Variants in ERP44 observed in about 807,000 individuals in gnomAD.
ERP44 encodes endoplasmic reticulum resident protein 44.
ERP44 carries 25 observed loss-of-function variants against 53.4 expected under a neutral mutation model. The ratio of observed to expected loss-of-function variants is 0.47; its 90% CI spans 0.34 to 0.65. The LOEUF is 0.65. Ranked by LOEUF, ERP44 falls within the 30% of genes least tolerant of loss-of-function variation. ERP44 has a pLI of 0.01. For missense variants in ERP44, 338 were observed against 493.2 expected, an observed-to-expected ratio of 0.69 and a Z score of 2.98; for synonymous variants, 145 against 161.2, an observed-to-expected ratio of 0.90 and a Z score of 0.76.
intron 10 of ERP44, among the ~76,000 whole-genome samples, chr9:99,998,144 T>G (rs1318662175): frequency 6.6e-6 from 1 of 152,214 alleles, no homozygotes; most frequent in Non-Finnish European, 1.5e-5. Flanking sequence ...ACTACTTTCT[T>G]TAGAATGGTT....
intron 1 of ERP44, among the ~76,000 whole-genome samples, chr9:100,064,944 C>T (rs900825779): frequency 6.6e-6 from 1 of 152,028 alleles, no homozygotes; most frequent in African/African-American, 2.4e-5. Flanking sequence ...AAGAGTCAAA[C>T]GTTTATACAG....
chr9:100,042,705 A>C (rs1342087290), intron 4 of ERP44, among the ~76,000 whole-genome samples: 1 of 152,214 alleles, frequency 6.6e-6, no homozygotes, highest in African/African-American at 2.4e-5. Flanking sequence ...TGGTACATAC[A>C]CATAATGGAG....
intron 10 of ERP44, among the ~76,000 whole-genome samples, chr9:100,003,353 A>C (rs1830397203): frequency 6.6e-6 from 1 of 152,140 alleles, no homozygotes; most frequent in Non-Finnish European, 1.5e-5. Flanking sequence ...TGTTACGTTT[A>C]TGTCTCCTTG....
chr9:99,986,594 A>T (rs4503155), intron 10 of ERP44, among the ~76,000 whole-genome samples: 102,992 of 151,972 alleles, frequency 0.68, 36,141 homozygotes, highest in East Asian at 0.91. Context: ...AGTTTCTTTT[A>T]CTTTTTATCC....
chr9:99,985,032 G>A lies in ERP44; in HGVS notation c.1054C>T (p.His352Tyr), dbSNP rs756017887. The A allele has an allele frequency of 3.1e-6, 5 of 1,613,428 alleles. No homozygotes were observed. The East Asian group carries it at 1.1e-4, about 36-fold the overall frequency. The change falls in exon 11 of 12, where the codon CAT (histidine) becomes TAT (tyrosine). Residue 352 changes from histidine (H) to tyrosine (Y), a missense_variant. His to Tyr is a moderately conservative substitution (Grantham distance 83, BLOSUM62 2). Around this residue, in one of 3 missense-constraint regions of ERP44, gnomAD observed 113 missense variants for 172.6 expected, o/e 0.65. Coordinates refer to ENST00000262455, the MANE Select transcript of ERP44 (RefSeq NM_015051.3). ...GKLKQFVFDLHSGKLHREFHH... is the reference protein window; with the variant it reads ...GKLKQFVFDLYSGKLHREFHH... ...AATTCTCTGTGCAGTTTTCCAGAATGTAAGTCAAATACGAATTGCTTGAGT... is the reference window on the plus strand; with the variant it reads ...AATTCTCTGTGCAGTTTTCCAGAATATAAGTCAAATACGAATTGCTTGAGT...
rs1236856601 is a variant in ERP44, at chr9:100,020,692, C to A, written c.511G>T (p.Asp171Tyr). 2 of 1,608,818 alleles carry A rather than the reference C, an allele frequency of 1.2e-6. No individual in the cohort carries two copies. The highest frequency in any genetic ancestry group is 2.2e-5 in the South Asian group (2 of 90,738). ...TCAAAAACTCTATAGTTGTCCGAGTCCTTTTGCTCAAAATATCCAATGATA... is the reference window on the plus strand; with the variant it reads ...TCAAAAACTCTATAGTTGTCCGAGTACTTTTGCTCAAAATATCCAATGATA... ...RNIIGYFEQK[D>Y]SDNYRVFERV... Residue 171 changes from aspartate to tyrosine, a missense_variant, in exon 6 of 12, where the codon GAC (aspartate) becomes TAC (tyrosine). Physicochemically the swap from Asp to Tyr is radical, Grantham distance 160. Coordinates refer to ENST00000262455, the MANE Select transcript of ERP44 (RefSeq NM_015051.3).
intron 10 of ERP44, among the ~76,000 whole-genome samples, chr9:99,995,920 C>CTTTTTTTTTTTT (rs34632626): frequency 3.3e-5 from 4 of 121,436 alleles, no homozygotes; most frequent in Admixed American, 8.3e-5. Flanking sequence ...TAGGGTAGTT[C>CTTTTTTTTTTTT]TTTTTTTTTT....
intron 1 of ERP44, among the ~76,000 whole-genome samples, chr9:100,086,023 T>C (rs561318239): frequency 8.5e-4 from 130 of 152,346 alleles, no homozygotes; most frequent in African/African-American, 2.9e-3. Context: ...AAAGATTATA[T>C]TTTTCTAAAG....
rs1343759378 is a variant in ERP44, at chr9:100,020,749, C to A, written c.472-18G>T. On this transcript the variant is annotated intron_variant, in intron 5 of 11. Coordinates refer to ENST00000262455, the MANE Select transcript of ERP44 (RefSeq NM_015051.3). ...TTGCTGCGCTGTAAAATAAAGTATG[C>A]AATTATTTTGCAAACATACATAGTT... 1 of 1,327,268 alleles carries A rather than the reference C, an allele frequency of 7.5e-7. No homozygotes were observed. The highest frequency in any genetic ancestry group is 1.2e-5 in the South Asian group (1 of 83,724). The allele number at this position is 1,327,268 out of a possible 1,614,324, so 82.2% of individuals were successfully genotyped here.
intron 10 of ERP44, among the ~76,000 whole-genome samples, chr9:99,991,964 C>A (rs1007779596): frequency 6.6e-6 from 1 of 152,080 alleles, no homozygotes; most frequent in African/African-American, 2.4e-5. Flanking sequence ...AAGGCTAAAC[C>A]AGGAAGACGT....
intron 4 of ERP44, among the ~76,000 whole-genome samples, chr9:100,033,471 T>A (rs1412887586): frequency 6.6e-6 from 1 of 152,238 alleles, no homozygotes; most frequent in Non-Finnish European, 1.5e-5. Flanking sequence ...ATGGCTGGGC[T>A]CAACTTTTTA....
At chr9:99,989,013 A>T (rs1292174152) in intron 10 of ERP44, among the ~76,000 whole-genome samples, 2 of 152,200 alleles carry the variant, frequency 1.3e-5, no homozygotes, top group Non-Finnish European at 2.9e-5. Flanking sequence ...AGGCTTGACT[A>T]GGTAAACAAA....
Position 100,060,182 on chromosome 9 carries a change from T to C in ERP44, c.58-10A>G, listed in dbSNP as rs1294905639. ...TAAAAACCCAAGTTACCTGAAAATT[T>C]AAAAAATGAGAAATTAATAAATGTG... On this transcript the variant is annotated splice_polypyrimidine_tract_variant and intron_variant, in intron 1 of 11. Transcript: ENST00000262455. The C allele has an allele frequency of 6.7e-7, 1 of 1,493,742 alleles. No individual in the cohort carries two copies. Among genetic ancestry groups the C allele is most frequent in the East Asian group, 2.5e-5 (1 of 40,358 alleles). 92.5% of individuals were successfully genotyped at this position (1,493,742 alleles called of 1,614,324 possible). A position where few individuals can be genotyped will look rare whatever the true frequency, so the allele number is the denominator to read the frequency against.
At position 100,075,055 on chromosome 9, in the gene ERP44, C is replaced by T. The variant is rs140394514; in HGVS notation, c.58-14883G>A. Among the ~76,000 whole-genome samples, 553 of 152,274 alleles carry T rather than the reference C, an allele frequency of 3.6e-3. 1 individual carries two copies. The highest frequency in any genetic ancestry group is 6.1e-3 in the Non-Finnish European group (413 of 68,024). ...GCCTCTACCTAGAAAAATGGTAAGT[C>T]AAAAACAATATCGCATCCTTGGAGG... On this transcript the variant is annotated intron_variant, in intron 1 of 11. Coordinates refer to ENST00000262455, the MANE Select transcript of ERP44 (RefSeq NM_015051.3).
At chr9:100,044,433 C>T (rs1232722902) in intron 4 of ERP44, among the ~76,000 whole-genome samples, 1 of 150,200 alleles carries the variant, frequency 6.7e-6, no homozygotes, top group Non-Finnish European at 1.5e-5. Flanking sequence ...TTTTAATGGA[C>T]AGAACAGTAT....
chr9:100,064,109 G>T (rs1055116663), intron 1 of ERP44, among the ~76,000 whole-genome samples: 1 of 152,072 alleles, frequency 6.6e-6, no homozygotes, highest in African/African-American at 2.4e-5. Flanking sequence ...TTTCTATAGG[G>T]TGTTAACATA....
At chr9:100,053,000 C>A (rs566662767) in intron 3 of ERP44, among the ~76,000 whole-genome samples, 1 of 152,226 alleles carries the variant, frequency 6.6e-6, no homozygotes, top group Admixed American at 6.5e-5. Flanking sequence ...TCACTGCACC[C>A]TCCACCTCCA....
At chr9:99,989,403 G>T (rs1040397923) in intron 10 of ERP44, among the ~76,000 whole-genome samples, 1 of 152,228 alleles carries the variant, frequency 6.6e-6, no homozygotes, top group Non-Finnish European at 1.5e-5. Context: ...GGCAAACAGG[G>T]TCTGGAGTGG....
intron 11 of ERP44, among the ~76,000 whole-genome samples, chr9:99,983,461 C>T (rs983111850): frequency 2.1e-5 from 3 of 145,492 alleles, no homozygotes; most frequent in Admixed American, 1.4e-4. Flanking sequence ...AGGAGAATGG[C>T]GTGAACCCGG....
Sources: allele counts gnomAD v4.1 joint callset (sites outside exome capture counted in the v4.1 genomes callset), GRCh38; gene constraint gnomAD v4.1.1; regional missense constraint gnomAD v4.1.1; transcripts MANE v1.5; gene names NCBI Gene and HGNC (gene_info 2026-07-23, HGNC 2026-07-21).